Variants in CAMK2G observed in about 807,000 individuals in gnomAD.
CAMK2G encodes the protein calcium/calmodulin-dependent protein kinase type II subunit gamma.
Under a neutral mutation model 88.7 loss-of-function variants are expected in CAMK2G, and 23 were observed. The observed-to-expected ratio is 0.26, with a 90% CI of 0.19 to 0.37. The LOEUF is 0.37. Ranked by LOEUF, CAMK2G falls within the 10% of genes least tolerant of loss-of-function variation. CAMK2G has a pLI of 1.00. For missense variants in CAMK2G, 476 were observed against 780.8 expected, an observed-to-expected ratio of 0.61 and a Z score of 4.65; for synonymous variants, 263 against 294.8, an observed-to-expected ratio of 0.89 and a Z score of 1.11.
At chr10:73,845,649 T>C (rs983200746) in intron 10 of CAMK2G, among the ~76,000 whole-genome samples, 1 of 151,634 alleles carries the variant, frequency 6.6e-6, no homozygotes, top group Non-Finnish European at 1.5e-5. Flanking sequence ...TTCTTCTGGG[T>C]CAGTGAGGGT....
intron 14 of CAMK2G, among the ~76,000 whole-genome samples, chr10:73,832,457 C>A (rs2092604976): frequency 6.6e-6 from 1 of 152,118 alleles, no homozygotes; most frequent in Non-Finnish European, 1.5e-5. Flanking sequence ...CAGGCACGCA[C>A]CACCACGCCC....
At chr10:73,871,943 C>T (rs895429027) in intron 2 of CAMK2G, among the ~76,000 whole-genome samples, 1 of 152,138 alleles carries the variant, frequency 6.6e-6, no homozygotes, top group East Asian at 1.9e-4. Flanking sequence ...CAGAGAAACC[C>T]GTGTCATTAT....
At chr10:73,867,995 A>G (rs1309356686) in intron 2 of CAMK2G, among the ~76,000 whole-genome samples, 2 of 152,186 alleles carry the variant, frequency 1.3e-5, no homozygotes, top group African/African-American at 4.8e-5. Context: ...GGCCATGGGT[A>G]GGTGACAAAG....
At chr10:73,854,732 G>A (rs1451209534) in intron 3 of CAMK2G, among the ~76,000 whole-genome samples, 1 of 152,180 alleles carries the variant, frequency 6.6e-6, no homozygotes, top group Admixed American at 6.5e-5. Flanking sequence ...AGATCATTCA[G>A]AAAGCAAAGT....
intron 2 of CAMK2G, among the ~76,000 whole-genome samples, chr10:73,871,991 G>A (rs2095848889): frequency 6.6e-6 from 1 of 152,256 alleles, no homozygotes; most frequent in African/African-American, 2.4e-5. Context: ...CATGTGTCCT[G>A]GCTCCTAATA....
chr10:73,847,844 T>C (rs1197071730), intron 9 of CAMK2G, 144 bp downstream of exon 9: 3 of 594,204 alleles, frequency 5.0e-6, no homozygotes, highest in Non-Finnish European at 9.1e-6. Context: ...AATTGGGCCC[T>C]GGATGCCCAT....
intron 3 of CAMK2G, among the ~76,000 whole-genome samples, chr10:73,855,120 C>T (rs1321393037): frequency 6.6e-6 from 1 of 152,086 alleles, no homozygotes; most frequent in Admixed American, 6.5e-5. Context: ...TGCCTTCCTC[C>T]CATAAAAATT....
Position 73,820,663 on chromosome 10 carries a change from A to ATTTTTTTTTTTTTTTTTTTT in CAMK2G, c.1249+999_1249+1018dup, listed in dbSNP as rs1198716305. Among the ~76,000 whole-genome samples, 4 of 46,130 alleles carry ATTTTTTTTTTTTTTTTTTTT rather than the reference A, an allele frequency of 8.7e-5. 1 individual carries two copies. The highest frequency in any genetic ancestry group is 1.4e-4 in the African/African-American group (1 of 7,202). The allele number at this position is 46,130 out of a possible 152,430, so 30.3% of individuals were successfully genotyped here. On this transcript the variant is annotated intron_variant, in intron 18 of 22. Coordinates refer to ENST00000423381, the MANE Select transcript of CAMK2G (RefSeq NM_001367534.1). Reference sequence around the variant, plus strand: ...AGGACCCCGCCACCACACCCGGCTAATTTTTTTTTTTTTTTTTTTTTTTTT... The same window carrying ATTTTTTTTTTTTTTTTTTTT: ...AGGACCCCGCCACCACACCCGGCTAATTTTTTTTTTTTTTTTTTTTTTTTTTTTTTTTTTTTTTTTTTTTT...
intron 2 of CAMK2G, among the ~76,000 whole-genome samples, chr10:73,862,364 C>T (rs1277661861): frequency 7.4e-6 from 1 of 134,254 alleles, no homozygotes; most frequent in Non-Finnish European, 1.6e-5. Flanking sequence ...CATCAGTTAT[C>T]TTTCAGTTGC....
chr10:73,848,086 C>A lies in CAMK2G; in HGVS notation c.602-4G>T, dbSNP rs576413823. 2 of 1,552,426 alleles carry A rather than the reference C, an allele frequency of 1.3e-6. No individual in the cohort carries two copies. Among genetic ancestry groups the A allele is most frequent in the South Asian group, 2.2e-5 (2 of 89,790 alleles). On this transcript the variant is annotated splice_polypyrimidine_tract_variant and splice_region_variant and intron_variant, in intron 8 of 22. Transcript: ENST00000423381. This position sits in a 1 kb window ranked among gnomAD's most constrained non-coding sequence, Gnocchi z 4.5. ...AGGAGGATATACAGGATGACCCCTA[C>A]GAGACAGAACACACAGGTCATGGGG...
chr10:73,844,000 C>T (rs147951845), intron 10 of CAMK2G, among the ~76,000 whole-genome samples: 26 of 152,292 alleles, frequency 1.7e-4, no homozygotes, highest in African/African-American at 5.1e-4. Flanking sequence ...GCTGTCCAAA[C>T]CTTTGCTTCC....
At chr10:73,858,908 T>TCCGTGGTCAACCCGC (rs2095233722) in intron 3 of CAMK2G, among the ~76,000 whole-genome samples, 1 of 152,202 alleles carries the variant, frequency 6.6e-6, no homozygotes, top group Non-Finnish European at 1.5e-5. Context: ...GGCCAACCCA[T>TCCGTGGTCAACCCGC]CCGTGGTCAA....
intron 3 of CAMK2G, 84 bp from the exon 4 acceptor site, chr10:73,853,330 C>T (rs1226249120): frequency 2.4e-6 from 3 of 1,252,154 alleles, no homozygotes; most frequent in Non-Finnish European, 2.3e-6. Flanking sequence ...CCACCCCTGC[C>T]CCATCCTGTC....
chr10:73,817,874 A>C, intron 19 of CAMK2G: 1 of 388,212 alleles, frequency 2.6e-6, no homozygotes, highest in Non-Finnish European at 4.8e-6. Flanking sequence ...TACATCGTGA[A>C]TGCTGTGAGC....
At chr10:73,863,420 G>T (rs2095465619) in intron 2 of CAMK2G, among the ~76,000 whole-genome samples, 1 of 152,324 alleles carries the variant, frequency 6.6e-6, no homozygotes, top group African/African-American at 2.4e-5. Flanking sequence ...GCTTCTTCCA[G>T]ATCTGGCAGG....
intron 5 of CAMK2G, among the ~76,000 whole-genome samples, chr10:73,850,372 C>T (rs537007028): frequency 2.0e-4 from 30 of 152,272 alleles, no homozygotes; most frequent in African/African-American, 6.5e-4. Context: ...TGACAGGGAG[C>T]GGGGGCAGTC....
In CAMK2G at chr10:73,860,972, A is replaced by G. The variant is rs1468401405; in HGVS notation, c.161-83T>C. 3 of 931,878 alleles carry G rather than the reference A, an allele frequency of 3.2e-6. No individual in the cohort carries two copies. The South Asian group carries it at 3.9e-5, about 12-fold the overall frequency. 57.7% of individuals were successfully genotyped at this position (931,878 alleles called of 1,614,324 possible). A position where few individuals can be genotyped will look rare whatever the true frequency, so the allele number is the denominator to read the frequency against. On this transcript the variant is annotated intron_variant, in intron 2 of 22. Transcript: ENST00000423381. ...CTTGTTATTCATATTCCTTCAGTTC[A>G]GGTACTAACTATGCATTTGTGATGA... is the stretch of plus-strand genomic sequence containing the variant.
At chr10:73,833,263 TC>T (rs1294343232) in intron 14 of CAMK2G, among the ~76,000 whole-genome samples, 1 of 152,060 alleles carries the variant, frequency 6.6e-6, no homozygotes, top group East Asian at 1.9e-4. Flanking sequence ...GTGCCCAGCC[TC>T]CAATCTTTCC....
At chr10:73,853,171 C>G in intron 4 of CAMK2G, 21 bp downstream of exon 4, 2 of 1,611,850 alleles carry the variant, frequency 1.2e-6, no homozygotes, top group Non-Finnish European at 1.7e-6. Context: ...GGCCCCCACA[C>G]CCTCAGAAAG....
Sources: gnomAD v4.1 joint callset for allele counts (sites outside exome capture counted in the v4.1 genomes callset) on GRCh38, gnomAD v4.1.1 for gene constraint, Gnocchi (gnomAD v3.1) non-coding constraint, MANE v1.5 for transcripts, NCBI Gene and HGNC (gene_info 2026-07-23, HGNC 2026-07-21) for gene names.